IL1R1: variants seen among roughly 807,000 people sequenced by gnomAD.
IL1R1 encodes interleukin 1 receptor type 1, also known as interleukin-1 receptor type 1.
Under a neutral mutation model 50.2 loss-of-function variants are expected in IL1R1, and 22 were observed. The ratio of observed to expected loss-of-function variants is 0.44; its 90% CI spans 0.31 to 0.63. IL1R1 has a LOEUF of 0.63. Among genes scored for constraint, IL1R1 ranks in the 20% least tolerant of loss-of-function variants. IL1R1 has a pLI of 0.07. For synonymous variants in IL1R1, 251 were observed against 236.7 expected, an observed-to-expected ratio of 1.06 and a Z score of -0.55; for missense variants, 509 against 676.2, an observed-to-expected ratio of 0.75 and a Z score of 2.74.
At position 102,075,846 on chromosome 2, in the gene IL1R1, T is replaced by C. The variant is rs147627996; in HGVS notation, c.-84+5313T>C. The stretch of plus-strand genomic sequence containing the variant: ...TTCTAGCAGCAAATGGGTGGCACAA[T>C]TGGCTTTAAGATGATCAATCTATTG... On this transcript the variant is annotated intron_variant, in intron 1 of 11. Transcript: ENST00000409929. Among the ~76,000 whole-genome samples the C allele has an allele frequency of 2.6e-3, 399 of 152,322 alleles. 3 individuals are homozygous for C. Among genetic ancestry groups the C allele is most frequent in the African/African-American group, 8.6e-3 (356 of 41,570 alleles).
At chr2:102,088,557 G>C (rs1338343560) in intron 1 of IL1R1, among the ~76,000 whole-genome samples, 1 of 152,178 alleles carries the variant, frequency 6.6e-6, no homozygotes, top group Non-Finnish European at 1.5e-5. Context: ...TGTAGCCTAA[G>C]TTTTGAAATG....
At chr2:102,095,014 G>T (rs1269989061) in intron 1 of IL1R1, among the ~76,000 whole-genome samples, 1 of 152,168 alleles carries the variant, frequency 6.6e-6, no homozygotes, top group African/African-American at 2.4e-5. Context: ...TATTTTGGTG[G>T]TGGTGATGGT....
chr2:102,166,936 C>T (rs1685231023), intron 6 of IL1R1, among the ~76,000 whole-genome samples: 2 of 152,130 alleles, frequency 1.3e-5, no homozygotes, highest in African/African-American at 4.8e-5. Flanking sequence ...CTGCGTTAAC[C>T]ATGTTTCATA....
At chr2:102,098,307 A>T (rs951625402) in intron 1 of IL1R1, among the ~76,000 whole-genome samples, 2 of 152,192 alleles carry the variant, frequency 1.3e-5, no homozygotes, top group Admixed American at 1.3e-4. Context: ...TGTACTCTAT[A>T]AAACACTGGT....
intron 1 of IL1R1, among the ~76,000 whole-genome samples, chr2:102,072,790 T>C (rs1238553229): frequency 6.6e-6 from 1 of 152,254 alleles, no homozygotes; most frequent in East Asian, 1.9e-4. Flanking sequence ...TTGTCTTTTC[T>C]ATGCAAAAGT....
chr2:102,120,707 C>G (rs1449195775), intron 1 of IL1R1, among the ~76,000 whole-genome samples: 1 of 152,188 alleles, frequency 6.6e-6, no homozygotes, highest in Non-Finnish European at 1.5e-5. Context: ...CTTCAATTCA[C>G]CTTTGCACAC....
At chr2:102,111,940 C>T (rs1193926232) in intron 1 of IL1R1, among the ~76,000 whole-genome samples, 1 of 152,124 alleles carries the variant, frequency 6.6e-6, no homozygotes, top group African/African-American at 2.4e-5. Context: ...TGGAACTTTT[C>T]CTCCCACCCC....
upstream of IL1R1, among the ~76,000 whole-genome samples, chr2:102,103,516 G>A (rs373899960): frequency 4.6e-5 from 7 of 152,174 alleles, no homozygotes; most frequent in Non-Finnish European, 1.0e-4. Flanking sequence ...CTTGGAAAGG[G>A]TAGCGGGAAC....
At position 102,131,380 on chromosome 2, in the gene IL1R1, A is replaced by C. The variant is rs186155562; in HGVS notation, c.-83-22561A>C. Among the ~76,000 whole-genome samples, 10 of 152,376 alleles carry C rather than the reference A, an allele frequency of 6.6e-5. No individual in the cohort carries two copies. In the East Asian group the frequency reaches 1.9e-3, roughly 29 times the overall value. The stretch of plus-strand genomic sequence containing the variant: ...AGGTATGCAAATAAGGATGATAATA[A>C]TGCAGAGGAAAATGAGTCAAAACCA... On this transcript the variant is annotated intron_variant, in intron 1 of 10. Transcript: ENST00000409329.
In IL1R1 at chr2:102,175,466, T is replaced by A. The variant is rs780138027; in HGVS notation, c.1136-12T>A. On this transcript the variant is annotated splice_polypyrimidine_tract_variant and intron_variant, in intron 10 of 11. Coordinates refer to ENST00000410023, the MANE Select transcript of IL1R1 (RefSeq NM_000877.4). ...GCCTTGTGGTTCTAAATACATTATG[T>A]TTTTCCTTTAGCTTCAGATGGAAAG... The A allele has an allele frequency of 2.5e-6, 4 of 1,609,110 alleles. No individual in the cohort carries two copies. The highest frequency in any genetic ancestry group is 3.4e-6 in the Non-Finnish European group (4 of 1,175,690).
At chr2:102,106,521 G>A (rs1380319315) in intron 1 of IL1R1, among the ~76,000 whole-genome samples, 1 of 152,168 alleles carries the variant, frequency 6.6e-6, no homozygotes, top group East Asian at 1.9e-4. Context: ...AACGGTCAAA[G>A]AATAGCGAGG....
chr2:102,125,155 C>T (rs73943985), intron 1 of IL1R1, among the ~76,000 whole-genome samples: 3,964 of 152,256 alleles, frequency 0.026, 113 homozygotes, highest in African/African-American at 0.068. Context: ...ACCACACAAC[C>T]GTCTAGAGTC....
At chr2:102,127,180 A>G (rs778485055) in intron 1 of IL1R1, among the ~76,000 whole-genome samples, 39 of 152,208 alleles carry the variant, frequency 2.6e-4, no homozygotes, top group Non-Finnish European at 4.9e-4. Context: ...TTGAAGTTCC[A>G]TTGGGTGAGT....
At chr2:102,128,182 G>A (rs577663136) in intron 1 of IL1R1, among the ~76,000 whole-genome samples, 18 of 152,210 alleles carry the variant, frequency 1.2e-4, no homozygotes, top group Admixed American at 1.0e-3. Flanking sequence ...GTGGTGACTC[G>A]TATATACTCT....
chr2:102,148,641 A>G (rs1376692834), intron 1 of IL1R1, among the ~76,000 whole-genome samples: 1 of 152,188 alleles, frequency 6.6e-6, no homozygotes, highest in African/African-American at 2.4e-5. Context: ...TTAGTAACCT[A>G]GGGAGATAGA....
intron 7 of IL1R1, 55 bp downstream of exon 7, chr2:102,168,718 A>T (rs1685416333): frequency 8.1e-7 from 1 of 1,229,062 alleles, no homozygotes; most frequent in Non-Finnish European, 1.2e-6. Context: ...TTTAAAACAT[A>T]AGAGTAAGAT....
intron 1 of IL1R1, among the ~76,000 whole-genome samples, chr2:102,110,795 G>A (rs910265767): frequency 6.6e-6 from 1 of 152,106 alleles, no homozygotes; most frequent in African/African-American, 2.4e-5. Flanking sequence ...GCACAGGGAT[G>A]CGTGGACCCT....
At chr2:102,111,615 A>C (rs1387904703) in intron 1 of IL1R1, among the ~76,000 whole-genome samples, 1 of 152,174 alleles carries the variant, frequency 6.6e-6, no homozygotes, top group African/African-American at 2.4e-5. Context: ...AAGATGAAGA[A>C]AATTCAGAGC....
At chr2:102,161,918 T>A (rs1173519638) in intron 3 of IL1R1, among the ~76,000 whole-genome samples, 2 of 152,048 alleles carry the variant, frequency 1.3e-5, no homozygotes, top group Non-Finnish European at 2.9e-5. Flanking sequence ...GCCAGGCTGG[T>A]CTCAAACTCC....
Sources: allele counts gnomAD v4.1 joint callset (sites outside exome capture counted in the v4.1 genomes callset), GRCh38; gene constraint gnomAD v4.1.1; transcripts MANE v1.5; gene names NCBI Gene and HGNC (gene_info 2026-07-23, HGNC 2026-07-21).